Variants in CACNA2D3 observed in about 807,000 individuals in gnomAD.
CACNA2D3 encodes voltage-dependent calcium channel subunit alpha-2/delta-3.
In CACNA2D3, 60 loss-of-function variants were observed where a neutral mutation model predicts 160.6. That is an observed-to-expected ratio of 0.37 (90% CI 0.30 to 0.46). CACNA2D3 has a LOEUF of 0.46. Ranked by LOEUF, CACNA2D3 falls within the 20% of genes least tolerant of loss-of-function variation. CACNA2D3 has a pLI of 1.00. For synonymous variants in CACNA2D3, 558 were observed against 492.9 expected (o/e 1.13, Z -1.75); for missense variants, 1,205 against 1,365.0 (o/e 0.88, Z 1.85).
intron 6 of CACNA2D3, among the ~76,000 whole-genome samples, chr3:54,565,034 A>T (rs1232364333): frequency 6.6e-6 from 1 of 152,102 alleles, no homozygotes; most frequent in African/African-American, 2.4e-5. Flanking sequence ...GCCTGGCAGG[A>T]TTTCTCAGTG....
intron 5 of CACNA2D3, among the ~76,000 whole-genome samples, chr3:54,541,057 C>T (rs1701965705): frequency 1.3e-5 from 2 of 151,914 alleles, no homozygotes; most frequent in African/African-American, 4.8e-5. Context: ...GTGGGCAGAT[C>T]ACGAGGTCAG....
At chr3:54,237,008 CTT>C (rs74553858) in intron 2 of CACNA2D3, among the ~76,000 whole-genome samples, 44 of 140,652 alleles carry the variant, frequency 3.1e-4, no homozygotes, top group Non-Finnish European at 3.6e-4. Context: ...CCTGAAACTT[CTT>C]TTTTTTTTTT....
At chr3:54,414,136 C>T (rs971524837) in intron 4 of CACNA2D3, among the ~76,000 whole-genome samples, 6 of 151,868 alleles carry the variant, frequency 4.0e-5, no homozygotes, top group African/African-American at 1.4e-4. Context: ...GAATGATATA[C>T]TACATAGCAG....
At chr3:54,172,613 G>A (rs1453073872) in intron 2 of CACNA2D3, among the ~76,000 whole-genome samples, 1 of 152,130 alleles carries the variant, frequency 6.6e-6, no homozygotes, top group Non-Finnish European at 1.5e-5. Context: ...TAGAATAAAA[G>A]TATGTGAATT....
intron 11 of CACNA2D3, among the ~76,000 whole-genome samples, chr3:54,717,892 T>G (rs1166721122): frequency 6.6e-6 from 1 of 151,666 alleles, no homozygotes; most frequent in African/African-American, 2.4e-5. Flanking sequence ...TGTGTGCGTG[T>G]GTGTGTTCTG....
Position 54,969,843 on chromosome 3 carries a change from A to G in CACNA2D3, c.2555A>G (p.Glu852Gly). ...DGKCSISCDD[E>G]TVNCYLIDNN... is the part of the protein sequence containing the mutation. ...AAATGCTCCATCAGCTGTGATGATG[A>G]GGTAAGACGGCCTCCTGGTCCTGTT... The change falls in exon 29 of 38, where the codon GAG (glutamate) becomes GGG (glycine). Residue 852 changes from glutamate (E) to glycine (G), a missense_variant and splice_region_variant. Around this residue, in one of 3 missense-constraint regions of CACNA2D3, gnomAD observed 911 missense variants for 1,002.2 expected, o/e 0.91. Coordinates refer to ENST00000474759, the MANE Select transcript of CACNA2D3 (RefSeq NM_018398.3). 6.2e-7 allele frequency: 1 copy of G among 1,612,970 alleles called. No homozygotes were observed. The highest frequency in any genetic ancestry group is 8.5e-7 in the Non-Finnish European group (1 of 1,179,298).
intron 27 of CACNA2D3, chr3:54,927,822 G>C: frequency 7.0e-7 from 1 of 1,435,254 alleles, no homozygotes; most frequent in Non-Finnish European, 9.8e-7. Context: ...CTTGAAAATA[G>C]ATTTCCCGCA....
intron 4 of CACNA2D3, among the ~76,000 whole-genome samples, chr3:54,431,270 G>A (rs1699985766): frequency 1.3e-5 from 2 of 151,348 alleles, no homozygotes; most frequent in Admixed American, 6.6e-5. Context: ...CCAGGTGGCC[G>A]AGGTTGCAGT....
intron 9 of CACNA2D3, among the ~76,000 whole-genome samples, chr3:54,584,951 A>T (rs1375878803): frequency 6.6e-6 from 1 of 152,226 alleles, no homozygotes; most frequent in Non-Finnish European, 1.5e-5. Flanking sequence ...AGGAGAAATA[A>T]AGGCATTCTC....
At chr3:54,278,413 T>C (rs970294671) in intron 2 of CACNA2D3, among the ~76,000 whole-genome samples, 2 of 152,208 alleles carry the variant, frequency 1.3e-5, no homozygotes, top group Non-Finnish European at 2.9e-5. Context: ...AGTTCACCTG[T>C]GGAAGTCAGT....
chr3:54,474,193 A>G (rs1700787289), intron 4 of CACNA2D3, among the ~76,000 whole-genome samples: 1 of 152,210 alleles, frequency 6.6e-6, no homozygotes, highest in South Asian at 2.1e-4. Context: ...TGTAGCACAT[A>G]TACACCATGG....
At chr3:54,773,001 G>A (rs1376800933) in intron 13 of CACNA2D3, among the ~76,000 whole-genome samples, 1 of 152,196 alleles carries the variant, frequency 6.6e-6, no homozygotes, top group African/African-American at 2.4e-5. Context: ...GTGGGAATGT[G>A]ACCATTTAAA....
chr3:54,432,163 A>C lies in CACNA2D3; in HGVS notation c.381+45389A>C, dbSNP rs563961864. Among the ~76,000 whole-genome samples the C allele has an allele frequency of 9.2e-5, 14 of 152,312 alleles. No individual in the cohort carries two copies. In the East Asian group the frequency reaches 2.7e-3, roughly 29 times the overall value. On this transcript the variant is annotated intron_variant, in intron 4 of 37. Transcript: ENST00000474759. Reference sequence around the variant, plus strand: ...TATTTTTGTGGTCTCATTTTCATAAATGTGTGTGTTCATAGATATACATCT... The same window carrying C: ...TATTTTTGTGGTCTCATTTTCATAACTGTGTGTGTTCATAGATATACATCT...
intron 11 of CACNA2D3, among the ~76,000 whole-genome samples, chr3:54,647,600 G>C (rs895626473): frequency 6.6e-6 from 1 of 152,178 alleles, no homozygotes; most frequent in African/African-American, 2.4e-5. Context: ...CAGTGTAGCA[G>C]CTGGGTTCCA....
chr3:54,480,593 G>A (rs946441828), intron 4 of CACNA2D3, among the ~76,000 whole-genome samples: 4 of 152,108 alleles, frequency 2.6e-5, no homozygotes, highest in African/African-American at 9.7e-5. Flanking sequence ...TATAAAATAT[G>A]TATGAAATTT....
chr3:54,684,924 T>C (rs1323252686), intron 11 of CACNA2D3, among the ~76,000 whole-genome samples: 1 of 152,064 alleles, frequency 6.6e-6, no homozygotes, highest in Non-Finnish European at 1.5e-5. Context: ...ACATAATGCA[T>C]GCATCCCACT....
At chr3:54,962,124 A>G (rs376182983) in intron 27 of CACNA2D3, among the ~76,000 whole-genome samples, 7 of 152,310 alleles carry the variant, frequency 4.6e-5, no homozygotes, top group African/African-American at 1.4e-4. Context: ...TCGGGACCCA[A>G]TCACCTCTTA....
chr3:54,128,435 C>G (rs540431010), intron 2 of CACNA2D3, among the ~76,000 whole-genome samples: 1 of 152,282 alleles, frequency 6.6e-6, no homozygotes, highest in East Asian at 1.9e-4. Flanking sequence ...CTTCATCAGC[C>G]TTGGATTTAT....
chr3:54,581,775 G>A, intron 8 of CACNA2D3, 28 bp from the exon 9 acceptor site: 2 of 1,582,024 alleles, frequency 1.3e-6, no homozygotes, highest in Middle Eastern at 1.8e-4. Context: ...TTAATTAAGT[G>A]TTCCTTCTTG....
Sources: gnomAD v4.1 joint callset for allele counts (sites outside exome capture counted in the v4.1 genomes callset) on GRCh38, gnomAD v4.1.1 for gene constraint, gnomAD v4.1.1 regional missense constraint, MANE v1.5 for transcripts, NCBI Gene and HGNC (gene_info 2026-07-23, HGNC 2026-07-21) for gene names.